BMP5: variants seen among roughly 807,000 people sequenced by gnomAD.
BMP5 encodes the protein bone morphogenetic protein 5.
In BMP5, 23 loss-of-function variants were observed where a neutral mutation model predicts 46.6. That is an observed-to-expected ratio of 0.49 (90% CI 0.35 to 0.70). BMP5 has a LOEUF of 0.70. Ranked by LOEUF, BMP5 falls within the 30% of genes least tolerant of loss-of-function variation. BMP5 has a pLI of 0.00. For missense variants in BMP5, 545 were observed against 565.6 expected, an observed-to-expected ratio of 0.96 and a Z score of 0.37; for synonymous variants, 204 against 191.9, an observed-to-expected ratio of 1.06 and a Z score of -0.52.
At chr6:55,789,875 C>T (rs966442090) in intron 3 of BMP5, among the ~76,000 whole-genome samples, 1 of 151,970 alleles carries the variant, frequency 6.6e-6, no homozygotes, top group Non-Finnish European at 1.5e-5. Context: ...ATCTATTCAG[C>T]ATGAAAAAAT....
At chr6:55,758,521 A>T (rs1485778641) in intron 6 of BMP5, among the ~76,000 whole-genome samples, 5 of 151,964 alleles carry the variant, frequency 3.3e-5, no homozygotes, top group Non-Finnish European at 7.4e-5. Context: ...CAGGAGGAGG[A>T]GGAGAACAAT....
chr6:55,819,899 A>T lies in BMP5; in HGVS notation c.491-52T>A, dbSNP rs766225463. ...GAAAAAAGTTAGTCTTTTATAAAAT[A>T]TGGAAATTAATGATAAATTCTCCAG... is the stretch of plus-strand genomic sequence containing the variant. On this transcript the variant is annotated intron_variant, in intron 1 of 6. Coordinates refer to ENST00000370830, the MANE Select transcript of BMP5 (RefSeq NM_021073.4). 7 of 1,388,130 alleles carry T rather than the reference A, an allele frequency of 5.0e-6. No homozygotes were observed. In the African/African-American group the frequency reaches 1.0e-4, roughly 20 times the overall value. The allele number at this position is 1,388,130 out of a possible 1,614,324, so 86.0% of individuals were successfully genotyped here. A position where few individuals can be genotyped will look rare whatever the true frequency, so the allele number is the denominator to read the frequency against.
At chr6:55,872,811 T>G (rs546660383) in intron 1 of BMP5, among the ~76,000 whole-genome samples, 1 of 152,004 alleles carries the variant, frequency 6.6e-6, no homozygotes, top group African/African-American at 2.4e-5. Context: ...GAAATTTTTC[T>G]ATTAAAATAT....
intron 1 of BMP5, among the ~76,000 whole-genome samples, chr6:55,830,405 C>T (rs1366436045): frequency 1.3e-5 from 2 of 151,982 alleles, no homozygotes; most frequent in Non-Finnish European, 2.9e-5. Context: ...TGGACTTTTC[C>T]TTTGTATTGG....
intron 1 of BMP5, among the ~76,000 whole-genome samples, chr6:55,863,274 T>G (rs1777566053): frequency 6.6e-6 from 1 of 152,204 alleles, no homozygotes; most frequent in Non-Finnish European, 1.5e-5. Context: ...TATAAGCCAT[T>G]ATTATTGTTG....
intron 3 of BMP5, among the ~76,000 whole-genome samples, chr6:55,789,459 T>G (rs1450405405): frequency 3.3e-5 from 5 of 151,976 alleles, no homozygotes. Flanking sequence ...ACTCAAGTCT[T>G]TAAAGTTAGA....
At chr6:55,837,335 T>TTAGATAGATAGATGA (rs1776828709) in intron 1 of BMP5, among the ~76,000 whole-genome samples, 1 of 123,962 alleles carries the variant, frequency 8.1e-6, no homozygotes, top group Non-Finnish European at 1.7e-5. Context: ...TAAAACTAAT[T>TTAGATAGATAGATGA]TAGATAGATA....
At chr6:55,830,784 A>T (rs1391411573) in intron 1 of BMP5, among the ~76,000 whole-genome samples, 1 of 152,152 alleles carries the variant, frequency 6.6e-6, no homozygotes, top group Non-Finnish European at 1.5e-5. Flanking sequence ...CATATTCTCC[A>T]AAATGGTCAG....
chr6:55,835,811 A>G (rs1776780482), intron 1 of BMP5, among the ~76,000 whole-genome samples: 2 of 152,214 alleles, frequency 1.3e-5, no homozygotes, highest in African/African-American at 4.8e-5. Context: ...GAGACTAAGA[A>G]AACAATTTTC....
intron 1 of BMP5, among the ~76,000 whole-genome samples, chr6:55,840,604 T>G (rs149458602): frequency 6.6e-6 from 1 of 152,220 alleles, no homozygotes; most frequent in Non-Finnish European, 1.5e-5. Context: ...ATTTGTACTT[T>G]CATTTATTTA....
chr6:55,772,959 C>T, intron 4 of BMP5: 1 of 976,564 alleles, frequency 1.0e-6, no homozygotes, highest in Non-Finnish European at 1.2e-6. Flanking sequence ...TATTTCTTAT[C>T]TAAACACTCA....
chr6:55,803,916 T>C (rs1343647754), intron 2 of BMP5, among the ~76,000 whole-genome samples: 1 of 152,164 alleles, frequency 6.6e-6, no homozygotes, highest in East Asian at 1.9e-4. Context: ...CTGTTTTTCT[T>C]CCCAGCTGCC....
chr6:55,774,018 G>T lies in BMP5; in HGVS notation c.1027+31C>A, dbSNP rs762058439. The T allele has an allele frequency of 3.1e-6, 5 of 1,607,184 alleles. No homozygotes were observed. The South Asian group carries it at 5.5e-5, about 18-fold the overall frequency. ...GCAGCATACGACCCCATAACTCTCTGTGCATAACTGCTGCTCGGGTTTATT... is the reference window on the plus strand; with the variant it reads ...GCAGCATACGACCCCATAACTCTCTTTGCATAACTGCTGCTCGGGTTTATT... On this transcript the variant is annotated intron_variant, in intron 4 of 6. Transcript: ENST00000370830.
intron 1 of BMP5, among the ~76,000 whole-genome samples, chr6:55,871,934 G>GA (rs1777797170): frequency 6.6e-6 from 1 of 151,660 alleles, no homozygotes; most frequent in Non-Finnish European, 1.5e-5. Flanking sequence ...TTAAGACAGT[G>GA]AAAAAATAAA....
At position 55,874,688 on chromosome 6, in the gene BMP5, C is replaced by T; in HGVS notation, c.178G>A (p.Gly60Ser). ...AATGGTCTGGGTCTGTGAGGCAAAC[C>T]CAAGATAGAGAGAATTTCCCTTTGT... ...EIQREILSIL[G>S]LPHRPRPFSP... The change falls in exon 1 of 7, where the codon GGT becomes AGT. Residue 60 changes from glycine (G) to serine (S), a missense_variant. Physicochemically the swap from Gly to Ser is moderately conservative, Grantham distance 56. Coordinates refer to ENST00000370830, the MANE Select transcript of BMP5 (RefSeq NM_021073.4). 1 of 1,613,426 alleles carries T rather than the reference C, an allele frequency of 6.2e-7. No individual in the cohort carries two copies. The highest frequency in any genetic ancestry group is 8.5e-7 in the Non-Finnish European group (1 of 1,179,678).
At chr6:55,857,920 T>C (rs1777437821) in intron 1 of BMP5, among the ~76,000 whole-genome samples, 1 of 152,014 alleles carries the variant, frequency 6.6e-6, no homozygotes, top group African/African-American at 2.4e-5. Context: ...GTATTTTCAG[T>C]AGAGACAGGG....
chr6:55,774,337 G>A (rs934761877), intron 3 of BMP5, 94 bp from the exon 4 acceptor site: 2 of 1,209,458 alleles, frequency 1.7e-6, no homozygotes, highest in Non-Finnish European at 2.4e-6. Flanking sequence ...AAGGGGAAAA[G>A]TTTTAAAACA....
intron 2 of BMP5, among the ~76,000 whole-genome samples, chr6:55,798,620 T>C (rs1287756802): frequency 1.3e-5 from 2 of 152,186 alleles, no homozygotes; most frequent in Admixed American, 1.3e-4. Flanking sequence ...CAGATAAAGT[T>C]AGATTTGTAG....
intron 3 of BMP5, among the ~76,000 whole-genome samples, chr6:55,793,487 C>A (rs1775622504): frequency 6.6e-6 from 1 of 152,206 alleles, no homozygotes; most frequent in African/African-American, 2.4e-5. Flanking sequence ...AGAATCTCAC[C>A]AAGTGGCTCT....
Sources: allele counts gnomAD v4.1 joint callset (sites outside exome capture counted in the v4.1 genomes callset), GRCh38; gene constraint gnomAD v4.1.1; transcripts MANE v1.5; gene names NCBI Gene and HGNC (gene_info 2026-07-23, HGNC 2026-07-21).